Variants in SFTPD observed in about 807,000 individuals in gnomAD.
SFTPD encodes the protein surfactant protein D.
Under a neutral mutation model 34.6 loss-of-function variants are expected in SFTPD, and 18 were observed. That is an observed-to-expected ratio of 0.52 (90% CI 0.36 to 0.77). The LOEUF (loss-of-function observed/expected upper bound fraction) is 0.77. SFTPD is among the 30% of genes least tolerant of loss of function. The pLI is 0.00. For missense variants in SFTPD, 433 were observed against 468.9 expected, an observed-to-expected ratio of 0.92 and a Z score of 0.71; for synonymous variants, 155 against 180.9, an observed-to-expected ratio of 0.86 and a Z score of 1.15.
chr10:79,963,807 G>C (rs1198473191), intron 1 of SFTPD, among the ~76,000 whole-genome samples: 1 of 152,068 alleles, frequency 6.6e-6, no homozygotes, highest in Non-Finnish European at 1.5e-5. Context: ...TAGGATAGTG[G>C]CCTCCAGTTG....
At chr10:79,941,566 T>A in intron 5 of SFTPD, 52 bp from the exon 6 acceptor site, 1 of 1,375,652 alleles carries the variant, frequency 7.3e-7, no homozygotes, top group Non-Finnish European at 9.9e-7. Context: ...ATTTTTTTTG[T>A]TTTTAGCATT....
At chr10:79,941,696 C>T (rs969510624) in intron 5 of SFTPD, among the ~76,000 whole-genome samples, 182 bp from the exon 6 acceptor site, 1 of 152,144 alleles carries the variant, frequency 6.6e-6, no homozygotes, top group African/African-American at 2.4e-5. Flanking sequence ...CAATCAACCC[C>T]GCTGTGGAAA....
At chr10:79,947,517 C>T (rs1286027466) in intron 1 of SFTPD, among the ~76,000 whole-genome samples, 1 of 152,116 alleles carries the variant, frequency 6.6e-6, no homozygotes, top group East Asian at 1.9e-4. Flanking sequence ...TGGCAAAACC[C>T]CATCTCTACT....
Position 79,938,218 on chromosome 10 carries a change from G to A in SFTPD, c.762C>T (p.Phe254=), listed in dbSNP as rs1180701200. ...TCTCCCCGACACTTTGGCCATTTGGGAAGAGCTCAACTAGGAGAAGAAGAA... is the reference window on the plus strand; with the variant it reads ...TCTCCCCGACACTTTGGCCATTTGGAAAGAGCTCAACTAGGAGAAGAAGAA... ...AFSQYKKVEL[F]PNGQSVGEKI... The change falls in exon 8 of 8, where the codon TTC becomes TTT. Residue 254 remains phenylalanine (F), a synonymous_variant. Coordinates refer to ENST00000372292, the MANE Select transcript of SFTPD (RefSeq NM_003019.5). 6.3e-7 allele frequency: 1 copy of A among 1,593,552 alleles called. No homozygotes were observed. The highest frequency in any genetic ancestry group is 8.6e-7 in the Non-Finnish European group (1 of 1,164,520).
At chr10:79,954,621 G>A (rs774930329) in intron 1 of SFTPD, among the ~76,000 whole-genome samples, 6 of 152,180 alleles carry the variant, frequency 3.9e-5, no homozygotes, top group Admixed American at 2.6e-4. Flanking sequence ...TCACCAACAG[G>A]TCTGCTAGTG....
chr10:79,938,967 G>A (rs17879726), intron 7 of SFTPD, among the ~76,000 whole-genome samples: 10,323 of 152,282 alleles, frequency 0.068, 556 homozygotes, highest in South Asian at 0.2. Flanking sequence ...GCTGGAGACA[G>A]CCCTGGGTGG....
intron 1 of SFTPD, among the ~76,000 whole-genome samples, chr10:79,979,237 A>T (rs1842878291): frequency 6.6e-6 from 1 of 152,236 alleles, no homozygotes; most frequent in African/African-American, 2.4e-5. Context: ...TTGATAAAAA[A>T]TTGAATCAGG....
chr10:79,982,325 G>T, intron 1 of SFTPD: 1 of 959,650 alleles, frequency 1.0e-6, no homozygotes, highest in Non-Finnish European at 1.4e-6. Flanking sequence ...CCAGCCCAGC[G>T]CCTCGGGCGG....
chr10:79,958,119 C>G (rs1042331791), intron 1 of SFTPD, among the ~76,000 whole-genome samples: 1 of 152,130 alleles, frequency 6.6e-6, no homozygotes, highest in Admixed American at 6.6e-5. Flanking sequence ...TTGTCAACAC[C>G]AGGCCTGCCC....
chr10:79,941,400 G>A lies in SFTPD; in HGVS notation c.665C>T (p.Pro222Leu), dbSNP rs747362201. 1.9e-6 allele frequency: 3 copies of A among 1,613,772 alleles called. No individual in the cohort carries two copies. The highest frequency in any genetic ancestry group is 2.2e-5 in the East Asian group (1 of 44,854). The change falls in exon 6 of 8, where the codon CCA (proline) becomes CTA (leucine). Residue 222 changes from proline (P) to leucine (L), a missense_variant and splice_region_variant. Transcript: ENST00000372292. Reference protein sequence around the residue: ...DKGAKGESGLPDVASLRQQVE... With the variant: ...DKGAKGESGLLDVASLRQQVE... Reference sequence around the variant, plus strand: ...TGGGCCAGGAGCTGCTACCTTACCTGGAAGCCCACTTTCTCCCTTTGCTCC... The same window carrying A: ...TGGGCCAGGAGCTGCTACCTTACCTAGAAGCCCACTTTCTCCCTTTGCTCC...
chr10:79,957,434 C>T (rs1428259294), intron 1 of SFTPD, among the ~76,000 whole-genome samples: 3 of 152,142 alleles, frequency 2.0e-5, no homozygotes, highest in Admixed American at 6.6e-5. Context: ...ACTAGAATAA[C>T]CAATGCAGAG....
intron 7 of SFTPD, among the ~76,000 whole-genome samples, chr10:79,938,489 C>G (rs1414952986): frequency 1.3e-5 from 2 of 152,180 alleles, no homozygotes; most frequent in African/African-American, 4.8e-5. Flanking sequence ...GTCACACAAG[C>G]AGCAAACGTG....
upstream of SFTPD, among the ~76,000 whole-genome samples, chr10:79,949,813 C>T (rs1488424868): frequency 6.6e-6 from 1 of 151,832 alleles, no homozygotes; most frequent in Non-Finnish European, 1.5e-5. Context: ...AGTTAGGACC[C>T]CTGAGCTGAT....
At position 79,941,397 on chromosome 10, in the gene SFTPD, C is replaced by A; in HGVS notation, c.667+1G>T. On this transcript the variant is annotated splice_donor_variant, in intron 6 of 7. Transcript: ENST00000372292. LOFTEE classifies it high-confidence loss of function. The stretch of plus-strand genomic sequence containing the variant: ...CCCTGGGCCAGGAGCTGCTACCTTA[C>A]CTGGAAGCCCACTTTCTCCCTTTGC... 1 of 1,613,676 alleles carries A rather than the reference C, an allele frequency of 6.2e-7. No individual in the cohort carries two copies.
chr10:79,944,811 A>G (rs1028345676), intron 2 of SFTPD, among the ~76,000 whole-genome samples: 2 of 152,094 alleles, frequency 1.3e-5, no homozygotes, highest in Non-Finnish European at 2.9e-5. Flanking sequence ...GGATGTCACC[A>G]GAGTGACTCA....
upstream of SFTPD, among the ~76,000 whole-genome samples, chr10:79,952,873 A>G (rs1842718573): frequency 6.6e-6 from 1 of 152,248 alleles, no homozygotes; most frequent in South Asian, 2.1e-4. Context: ...ACTGACAGCA[A>G]TGCCTGGGCT....
At chr10:79,949,352 A>C (rs1842694957), upstream of SFTPD, among the ~76,000 whole-genome samples, 1 of 152,214 alleles carries the variant, frequency 6.6e-6, no homozygotes, top group Admixed American at 6.5e-5. Flanking sequence ...TCTGTGAATT[A>C]AGTGGCATCA....
At chr10:79,951,964 C>T (rs1842712761), upstream of SFTPD, among the ~76,000 whole-genome samples, 1 of 152,218 alleles carries the variant, frequency 6.6e-6, no homozygotes, top group Non-Finnish European at 1.5e-5. Flanking sequence ...ATACCAGCTC[C>T]ACATCCTGGG....
At chr10:79,948,728 T>C (rs1564531049) in intron 1 of SFTPD, among the ~76,000 whole-genome samples, 2 of 152,130 alleles carry the variant, frequency 1.3e-5, no homozygotes, top group Non-Finnish European at 2.9e-5. Context: ...TCTGAAGAAA[T>C]CAGTGCAGAA....
Sources: allele counts gnomAD v4.1 joint callset (sites outside exome capture counted in the v4.1 genomes callset), GRCh38; gene constraint gnomAD v4.1.1; transcripts MANE v1.5; gene names NCBI Gene and HGNC (gene_info 2026-07-23, HGNC 2026-07-21).